Variants in SLC6A6 observed in about 807,000 individuals in gnomAD.
The protein encoded by SLC6A6 is sodium- and chloride-dependent taurine transporter.
Under a neutral mutation model 68.8 loss-of-function variants are expected in SLC6A6, and 16 were observed. The observed-to-expected ratio is 0.23, with a 90% CI of 0.16 to 0.35. SLC6A6 has a LOEUF of 0.35. Ranked by LOEUF, SLC6A6 falls within the 10% of genes least tolerant of loss-of-function variation. SLC6A6 has a pLI of 1.00. For missense variants in SLC6A6, 474 were observed against 802.8 expected (o/e 0.59, Z 4.95); for synonymous variants, 312 against 315.4 (o/e 0.99, Z 0.12).
chr3:14,463,083 C>T (rs750926961), intron 6 of SLC6A6, among the ~76,000 whole-genome samples: 54 of 152,190 alleles, frequency 3.5e-4, no homozygotes, highest in Non-Finnish European at 6.0e-4. Flanking sequence ...GTTTGGGGTC[C>T]TGAGATTTTA....
intron 5 of SLC6A6, 200 bp downstream of exon 5, chr3:14,448,016 C>A: frequency 7.4e-7 from 1 of 1,355,880 alleles, no homozygotes; most frequent in South Asian, 1.5e-5. Context: ...GCTGTTTGAC[C>A]TTAGGCAAGC....
intron 2 of SLC6A6, among the ~76,000 whole-genome samples, chr3:14,427,436 T>A (rs181945622): frequency 1.3e-5 from 2 of 152,324 alleles, no homozygotes; most frequent in Admixed American, 1.3e-4. Flanking sequence ...TTGAGCCCCA[T>A]CAGCCTGGCT....
At chr3:14,455,532 T>C (rs1005824513) in intron 5 of SLC6A6, among the ~76,000 whole-genome samples, 3 of 152,214 alleles carry the variant, frequency 2.0e-5, no homozygotes, top group Non-Finnish European at 4.4e-5. Context: ...AACACAGACA[T>C]TTCCCCAGCG....
chr3:14,460,329 G>C (rs543877465), intron 6 of SLC6A6, among the ~76,000 whole-genome samples: 10 of 152,056 alleles, frequency 6.6e-5, no homozygotes, highest in African/African-American at 2.4e-4. Context: ...AGTCAAATGG[G>C]GATGCGAGCT....
chr3:14,408,418 T>G (rs1381322431), intron 1 of SLC6A6, among the ~76,000 whole-genome samples: 5 of 151,564 alleles, frequency 3.3e-5, no homozygotes, highest in Non-Finnish European at 7.4e-5. Flanking sequence ...CACTGCAACC[T>G]CCGCCTCCCA....
intron 4 of SLC6A6, 107 bp from the exon 5 acceptor site, chr3:14,447,475 C>A: frequency 4.1e-6 from 6 of 1,448,546 alleles, no homozygotes; most frequent in Non-Finnish European, 5.7e-6. Flanking sequence ...TGAAAGGCCT[C>A]TTGTGGCCTG....
chr3:14,475,775 G>A (rs111587883), intron 10 of SLC6A6, among the ~76,000 whole-genome samples: 4 of 152,276 alleles, frequency 2.6e-5, no homozygotes, highest in Admixed American at 2.0e-4. Flanking sequence ...CTATAATTCG[G>A]TGGCAATTTA....
At chr3:14,482,738 TG>T (rs984965256) in intron 14 of SLC6A6, among the ~76,000 whole-genome samples, 1 of 151,866 alleles carries the variant, frequency 6.6e-6, no homozygotes, top group African/African-American at 2.4e-5. Context: ...TCCTTGAAAC[TG>T]GGGGGGCCCC....
Position 14,481,529 on chromosome 3 carries a change from G to A in SLC6A6, c.1552-142G>A. ...CGGGGCGGGGGGGATCCTTATGGCA[G>A]CAGAGAGGGGTGTGAGTTCTGAGCC... On this transcript the variant is annotated intron_variant, in intron 13 of 14. Transcript: ENST00000622186. This position sits in a 1 kb window ranked among gnomAD's most constrained non-coding sequence, Gnocchi z 4.7. The A allele has an allele frequency of 3.2e-6, 2 of 621,826 alleles. No individual in the cohort carries two copies. Among genetic ancestry groups the A allele is most frequent in the East Asian group, 2.8e-5 (1 of 36,334 alleles). The allele number at this position is 621,826 out of a possible 1,614,324, so 38.5% of individuals were successfully genotyped here. A position where few individuals can be genotyped will look rare whatever the true frequency, so the allele number is the denominator to read the frequency against.
chr3:14,484,546 G>C (rs1255535922), intron 14 of SLC6A6, among the ~76,000 whole-genome samples: 3 of 152,162 alleles, frequency 2.0e-5, no homozygotes, highest in Non-Finnish European at 4.4e-5. Flanking sequence ...TCACAGGGAG[G>C]CATATTTTAG....
chr3:14,485,868 C>T lies in SLC6A6; in HGVS notation c.*861C>T, dbSNP rs1433326956. ...AGGCTGGCAGGAGTGAGGCTCACAA[C>T]TCAGCCTCGCAAGAGGTGGCAGAGG... On this transcript the variant is annotated 3_prime_UTR_variant, in exon 15 of 15. Transcript: ENST00000622186. The T allele has an allele frequency of 6.6e-6, 1 of 152,492 alleles. No homozygotes were observed. Among genetic ancestry groups the T allele is most frequent in the African/African-American group, 2.4e-5 (1 of 41,444 alleles). 9.4% of individuals were successfully genotyped at this position (152,492 alleles called of 1,614,324 possible). A position where few individuals can be genotyped will look rare whatever the true frequency, so the allele number is the denominator to read the frequency against.
rs529454908 is a variant in SLC6A6 at position 14,439,765 on chromosome 3, G to A, written c.-11-3859G>A. On this transcript the variant is annotated intron_variant, in intron 2 of 14. Coordinates refer to ENST00000622186, the MANE Select transcript of SLC6A6 (RefSeq NM_003043.6). ...GCGGGGTGACCACTTGTGTGTGTGT[G>A]AGGAAGCTGGGGTGACTGGCCTAAT... Among the ~76,000 whole-genome samples the A allele has an allele frequency of 2.1e-4, 32 of 152,138 alleles. 1 individual carries two copies. In the South Asian group the frequency reaches 6.4e-3, roughly 31 times the overall value.
chr3:14,461,758 T>G (rs113064590), intron 6 of SLC6A6, among the ~76,000 whole-genome samples: 34 of 152,246 alleles, frequency 2.2e-4, no homozygotes, highest in African/African-American at 7.7e-4. Flanking sequence ...GTGAAATGAG[T>G]TAGTGAAGCC....
chr3:14,478,356 AT>A, intron 11 of SLC6A6, 109 bp from the exon 12 acceptor site: 2 of 705,782 alleles, frequency 2.8e-6, no homozygotes, highest in African/African-American at 1.8e-5. Flanking sequence ...GTCTTTGTCC[AT>A]TTTTCTCTTG....
In SLC6A6 at chr3:14,464,333, C is replaced by T. The variant is rs544154862; in HGVS notation, c.733-2183C>T. Among the ~76,000 whole-genome samples the T allele has an allele frequency of 5.9e-5, 9 of 152,236 alleles. No homozygotes were observed. In the East Asian group the frequency reaches 1.5e-3, roughly 26 times the overall value. ...CAGGTCCCCATTCTGTTGCTTAAGC[C>T]CACGTGACCCTGGGCAAGTGATGGA... On this transcript the variant is annotated intron_variant, in intron 6 of 14. Coordinates refer to ENST00000622186, the MANE Select transcript of SLC6A6 (RefSeq NM_003043.6).
chr3:14,446,507 T>G (rs956200808), intron 4 of SLC6A6, among the ~76,000 whole-genome samples: 3 of 152,154 alleles, frequency 2.0e-5, no homozygotes, highest in Non-Finnish European at 4.4e-5. Context: ...CTCAGTTTCA[T>G]GCAATATTCT....
At chr3:14,478,404 G>A in intron 11 of SLC6A6, 62 bp from the exon 12 acceptor site, 1 of 968,436 alleles carries the variant, frequency 1.0e-6, no homozygotes, top group Non-Finnish European at 1.7e-6. Context: ...AGAGCTCTTT[G>A]TATATGAAAG....
At chr3:14,438,917 G>C (rs1345882097) in intron 2 of SLC6A6, among the ~76,000 whole-genome samples, 1 of 152,210 alleles carries the variant, frequency 6.6e-6, no homozygotes, top group Non-Finnish European at 1.5e-5. Flanking sequence ...GAGAACTCTC[G>C]AGCCTCTGGG....
chr3:14,469,958 C>A (rs1475891931), intron 9 of SLC6A6, among the ~76,000 whole-genome samples: 1 of 152,186 alleles, frequency 6.6e-6, no homozygotes, highest in Non-Finnish European at 1.5e-5. Context: ...ACTGAGGACA[C>A]AGAATGTAAC....
Sources: gnomAD v4.1 joint callset for allele counts (sites outside exome capture counted in the v4.1 genomes callset) on GRCh38, gnomAD v4.1.1 for gene constraint, Gnocchi (gnomAD v3.1) non-coding constraint, MANE v1.5 for transcripts, NCBI Gene and HGNC (gene_info 2026-07-23, HGNC 2026-07-21) for gene names.